Variants in AGBL1 observed in about 807,000 individuals in gnomAD.
AGBL1 encodes the protein AGBL carboxypeptidase 1, also known as cytosolic carboxypeptidase 4.
A neutral mutation model predicts 118.9 loss-of-function variants in AGBL1; 130 were observed. That is an observed-to-expected ratio of 1.09 (90% confidence interval 0.95 to 1.26). The LOEUF is 1.26. Among genes scored for constraint, AGBL1 ranks in the 50% most tolerant of loss-of-function variants. AGBL1 has a pLI of 0.00. For missense variants in AGBL1, 1,584 were observed against 1,298.1 expected, an observed-to-expected ratio of 1.22 and a Z score of -3.38; for synonymous variants, 555 against 478.9, an observed-to-expected ratio of 1.16 and a Z score of -2.08.
chr15:86,573,641 C>T (rs2084041248), intron 21 of AGBL1, among the ~76,000 whole-genome samples: 1 of 152,204 alleles, frequency 6.6e-6, no homozygotes, highest in Admixed American at 6.5e-5. Flanking sequence ...CTAGGGTATG[C>T]ATCCTGCTGG....
At position 86,370,454 on chromosome 15, in the gene AGBL1, G is replaced by A. The variant is rs930533448; in HGVS notation, c.2375-26912G>A. 6.6e-5 allele frequency among the ~76,000 whole-genome samples: 10 copies of A among 152,084 alleles called. No individual in the cohort carries two copies. The East Asian group carries it at 1.7e-3, about 27-fold the overall frequency. Reference sequence around the variant, plus strand: ...TGAGTAGCCGGGATTACAGGCACCCGCCATCATGACTGGCTAATGCTTGTA... The same window carrying A: ...TGAGTAGCCGGGATTACAGGCACCCACCATCATGACTGGCTAATGCTTGTA... On this transcript the variant is annotated intron_variant, in intron 17 of 22. Transcript: ENST00000614907.
chr15:86,125,601 T>A (rs1898375806), intron 1 of AGBL1, among the ~76,000 whole-genome samples: 1 of 152,346 alleles, frequency 6.6e-6, no homozygotes, highest in South Asian at 2.1e-4. Context: ...TTCTGTCAAG[T>A]GACTGCTTAT....
intron 21 of AGBL1, among the ~76,000 whole-genome samples, chr15:86,649,052 G>T (rs1359371610): frequency 6.6e-6 from 1 of 152,122 alleles, no homozygotes; most frequent in Non-Finnish European, 1.5e-5. Flanking sequence ...ATGCTGATGG[G>T]AATGATCTAG....
At chr15:86,325,002 G>A (rs185926149) in intron 17 of AGBL1, among the ~76,000 whole-genome samples, 1 of 152,292 alleles carries the variant, frequency 6.6e-6, no homozygotes, top group African/African-American at 2.4e-5. Flanking sequence ...ACATTGGAGA[G>A]GTAGACAGGG....
intron 24 of AGBL1, among the ~76,000 whole-genome samples, chr15:86,998,856 T>TAC (rs1491481176): frequency 6.7e-6 from 1 of 150,214 alleles, no homozygotes; most frequent in East Asian, 1.9e-4. Context: ...TTTTTTCTTT[T>TAC]ATATATATAT....
At chr15:86,831,127 C>G (rs943388090) in intron 22 of AGBL1, among the ~76,000 whole-genome samples, 1 of 152,120 alleles carries the variant, frequency 6.6e-6, no homozygotes, top group Non-Finnish European at 1.5e-5. Context: ...ACCATGAGAA[C>G]AGCATGGGAA....
intron 19 of AGBL1, 153 bp downstream of exon 19, chr15:86,523,092 G>C: frequency 1.1e-6 from 1 of 898,192 alleles, no homozygotes. Flanking sequence ...GACTTCCTGG[G>C]CTGCTGTACC....
chr15:86,542,539 T>C (rs1596247152), intron 19 of AGBL1, among the ~76,000 whole-genome samples: 1 of 152,036 alleles, frequency 6.6e-6, no homozygotes, highest in African/African-American at 2.4e-5. Flanking sequence ...GCCAATTTTT[T>C]GTATTTTTAG....
intron 17 of AGBL1, among the ~76,000 whole-genome samples, chr15:86,395,681 C>A (rs2081350717): frequency 8.1e-6 from 1 of 123,690 alleles, no homozygotes; most frequent in South Asian, 2.7e-4. Context: ...CCTGTTTTCA[C>A]CGTAGTCAGT....
At chr15:86,371,635 G>T (rs771473643) in intron 17 of AGBL1, among the ~76,000 whole-genome samples, 1 of 151,944 alleles carries the variant, frequency 6.6e-6, no homozygotes, top group African/African-American at 2.4e-5. Flanking sequence ...ACCTCACCCC[G>T]GCTGAGAATG....
At chr15:86,234,933 G>C (rs970623684) in intron 6 of AGBL1, among the ~76,000 whole-genome samples, 1 of 152,190 alleles carries the variant, frequency 6.6e-6, no homozygotes, top group African/African-American at 2.4e-5. Flanking sequence ...CCCGAGGGTT[G>C]AATGATATCT....
chr15:86,082,890 G>A (rs117687041), intron 1 of AGBL1, among the ~76,000 whole-genome samples: 1,912 of 152,316 alleles, frequency 0.013, 22 homozygotes, highest in Non-Finnish European at 0.016. Flanking sequence ...AGGCAGAAAG[G>A]ACTGGATCCA....
chr15:86,306,508 GCT>G (rs1185697255), intron 17 of AGBL1, among the ~76,000 whole-genome samples: 13 of 152,058 alleles, frequency 8.5e-5, no homozygotes, highest in Middle Eastern at 3.4e-3. Flanking sequence ...CTTTTTTATG[GCT>G]GAATAATACT....
At chr15:86,402,439 C>T (rs2081462867) in intron 18 of AGBL1, among the ~76,000 whole-genome samples, 1 of 151,978 alleles carries the variant, frequency 6.6e-6, no homozygotes, top group Admixed American at 6.6e-5. Context: ...GATTTGGATG[C>T]CCTTTATTTC....
intron 22 of AGBL1, among the ~76,000 whole-genome samples, chr15:86,745,901 C>A (rs1022120244): frequency 2.6e-5 from 4 of 152,030 alleles, no homozygotes; most frequent in African/African-American, 9.7e-5. Flanking sequence ...ACTCACAGCC[C>A]AACACCATGG....
intron 7 of AGBL1, among the ~76,000 whole-genome samples, chr15:86,253,690 G>A (rs75584437): frequency 0.016 from 2,441 of 152,244 alleles, 65 homozygotes; most frequent in African/African-American, 0.053. Context: ...AGACTGACCC[G>A]ATACAGTTTA....
intron 22 of AGBL1, among the ~76,000 whole-genome samples, chr15:86,852,246 G>A (rs561843770): frequency 2.0e-5 from 3 of 152,134 alleles, no homozygotes; most frequent in Admixed American, 2.0e-4. Context: ...CAGAGAAGAT[G>A]CCAGACACTT....
At chr15:86,691,246 A>G (rs1185578445) in intron 22 of AGBL1, among the ~76,000 whole-genome samples, 1 of 152,146 alleles carries the variant, frequency 6.6e-6, no homozygotes, top group Non-Finnish European at 1.5e-5. Context: ...CACAAGGCTA[A>G]TTATAAAATA....
chr15:86,957,962 G>A (rs2080948151), intron 23 of AGBL1, among the ~76,000 whole-genome samples: 2 of 152,042 alleles, frequency 1.3e-5, no homozygotes, highest in Admixed American at 6.6e-5. Flanking sequence ...TGCACTTTTA[G>A]AGGCCAAGGC....
Sources: gnomAD v4.1 joint callset for allele counts (sites outside exome capture counted in the v4.1 genomes callset) on GRCh38, gnomAD v4.1.1 for gene constraint, MANE v1.5 for transcripts, NCBI Gene and HGNC (gene_info 2026-07-23, HGNC 2026-07-21) for gene names.